RUNX1T1: variants seen among roughly 807,000 people sequenced by gnomAD.
The protein encoded by RUNX1T1 is protein CBFA2T1.
Under a neutral mutation model 62.8 loss-of-function variants are expected in RUNX1T1, and 4 were observed. The observed-to-expected ratio is 0.06, with a 90% CI of 0.03 to 0.15. The LOEUF (loss-of-function observed/expected upper bound fraction) is 0.15, where lower values mean the gene tolerates loss of function less well. Ranked by LOEUF, RUNX1T1 falls within the 10% of genes least tolerant of loss-of-function variation. The pLI is 1.00. For synonymous variants in RUNX1T1, 291 were observed against 286.0 expected, an observed-to-expected ratio of 1.02 and a Z score of -0.18; for missense variants, 508 against 754.3, an observed-to-expected ratio of 0.67 and a Z score of 3.82.
At chr8:92,022,147 T>C (rs948171765) in intron 1 of RUNX1T1, among the ~76,000 whole-genome samples, 2 of 142,614 alleles carry the variant, frequency 1.4e-5, no homozygotes, top group Non-Finnish European at 3.1e-5. Context: ...CTGAGGAGGA[T>C]TCTTAATAAA....
chr8:92,007,424 A>G (rs1047968179), intron 4 of RUNX1T1, among the ~76,000 whole-genome samples: 1 of 152,044 alleles, frequency 6.6e-6, no homozygotes, highest in Non-Finnish European at 1.5e-5. Context: ...CCGAGATTAT[A>G]CCACCACACT....
intron 1 of RUNX1T1, among the ~76,000 whole-genome samples, chr8:92,018,592 A>T (rs907406421): frequency 1.3e-5 from 2 of 152,256 alleles, no homozygotes; most frequent in Admixed American, 1.3e-4. Flanking sequence ...GCCTTTAAAA[A>T]TGTTATAATA....
intron 5 of RUNX1T1, among the ~76,000 whole-genome samples, chr8:92,004,041 T>C (rs887910397): frequency 6.6e-6 from 1 of 152,238 alleles, no homozygotes; most frequent in Non-Finnish European, 1.5e-5. Flanking sequence ...GTATGTAAAC[T>C]GGCTGGCTTT....
chr8:92,078,798 A>T (rs1834806579), intron 1 of RUNX1T1, among the ~76,000 whole-genome samples: 1 of 152,214 alleles, frequency 6.6e-6, no homozygotes, highest in South Asian at 2.1e-4. Context: ...TTAATCACAG[A>T]TGGGAATGTA....
At chr8:91,988,843 ATGTAAGATTCAT>A (rs1239341114) in intron 6 of RUNX1T1, among the ~76,000 whole-genome samples, 4 of 152,206 alleles carry the variant, frequency 2.6e-5, no homozygotes, top group Non-Finnish European at 2.9e-5. Flanking sequence ...TGGTGAAAAA[ATGTAAGATTCAT>A]TTGCCGCTTT....
upstream of RUNX1T1, chr8:92,062,996 T>C: frequency 9.0e-7 from 1 of 1,112,438 alleles, no homozygotes; most frequent in Non-Finnish European, 1.1e-6. Flanking sequence ...GGTTAACCCT[T>C]ATTTTGCCAA....
chr8:92,007,967 C>CAAA (rs34232877), intron 4 of RUNX1T1, among the ~76,000 whole-genome samples: 6 of 85,360 alleles, frequency 7.0e-5, no homozygotes, highest in African/African-American at 2.3e-4. Context: ...GACTTTGTTT[C>CAAA]AAAAAAAAAA....
At chr8:91,988,815 T>C (rs185850287) in intron 6 of RUNX1T1, among the ~76,000 whole-genome samples, 32 of 152,286 alleles carry the variant, frequency 2.1e-4, no homozygotes, top group African/African-American at 6.7e-4. Flanking sequence ...ATTAGAAACA[T>C]GTTTGAGCTC....
intron 5 of RUNX1T1, among the ~76,000 whole-genome samples, chr8:91,996,229 T>C (rs1257379672): frequency 2.0e-5 from 3 of 152,130 alleles, no homozygotes; most frequent in Admixed American, 2.0e-4. Context: ...TGAGACAGAG[T>C]CTCGCTCTGT....
intron 2 of RUNX1T1, among the ~76,000 whole-genome samples, chr8:92,068,094 T>C (rs1196144205): frequency 2.0e-5 from 3 of 152,160 alleles, no homozygotes; most frequent in Admixed American, 2.0e-4. Context: ...ACACTAGCTA[T>C]GTTAACTGCT....
At chr8:92,093,429 G>C (rs1479572997) in intron 1 of RUNX1T1, among the ~76,000 whole-genome samples, 1 of 151,928 alleles carries the variant, frequency 6.6e-6, no homozygotes, top group East Asian at 1.9e-4. Flanking sequence ...ATTACACCAA[G>C]ATAACAAATA....
At chr8:92,029,349 T>C (rs540526248) in intron 1 of RUNX1T1, among the ~76,000 whole-genome samples, 1 of 152,044 alleles carries the variant, frequency 6.6e-6, no homozygotes, top group South Asian at 2.1e-4. Flanking sequence ...TGGATAGCAA[T>C]AGTCTAGGCA....
intron 1 of RUNX1T1, among the ~76,000 whole-genome samples, chr8:92,045,108 T>A (rs1284288965): frequency 6.6e-6 from 1 of 150,900 alleles, no homozygotes; most frequent in African/African-American, 2.4e-5. Flanking sequence ...ATTATACATA[T>A]ATTTTATTTT....
At chr8:92,022,447 C>T (rs1444684468) in intron 1 of RUNX1T1, among the ~76,000 whole-genome samples, 3 of 152,060 alleles carry the variant, frequency 2.0e-5, no homozygotes, top group Non-Finnish European at 4.4e-5. Context: ...ACTTAATCAC[C>T]AATGTGATAA....
At chr8:91,995,377 T>C (rs1818464572) in intron 5 of RUNX1T1, among the ~76,000 whole-genome samples, 2 of 152,172 alleles carry the variant, frequency 1.3e-5, no homozygotes, top group Admixed American at 1.3e-4. Flanking sequence ...CCTGAGTCTG[T>C]TCTCTCACTT....
At chr8:91,955,411 T>C (rs923150724), downstream of RUNX1T1, 2 of 227,842 alleles carry the variant, frequency 8.8e-6, no homozygotes. Context: ...AGAGTAACTA[T>C]GAAATTAAAT....
chr8:92,005,192 T>G, exon 5 of RUNX1T1: 1 of 1,614,086 alleles, frequency 6.2e-7, no homozygotes. Flanking sequence ...GAGGTGGTGC[T>G]GGCATCCAGA....
chr8:92,034,141 G>C (rs1043245165), intron 1 of RUNX1T1, among the ~76,000 whole-genome samples: 5 of 152,194 alleles, frequency 3.3e-5, no homozygotes, highest in African/African-American at 2.4e-5. Context: ...CACACGAGTA[G>C]AAAAAGTGCC....
At chr8:91,983,900 A>C (rs1815976176) in intron 8 of RUNX1T1, among the ~76,000 whole-genome samples, 1 of 152,206 alleles carries the variant, frequency 6.6e-6, no homozygotes, top group African/African-American at 2.4e-5. Context: ...GTGAAAAAAA[A>C]CTGTAAAAGC....
Sources: gnomAD v4.1 joint callset for allele counts (sites outside exome capture counted in the v4.1 genomes callset) on GRCh38, gnomAD v4.1.1 for gene constraint, MANE v1.5 for transcripts, NCBI Gene and HGNC (gene_info 2026-07-23, HGNC 2026-07-21) for gene names.